SHOC1: variants seen among roughly 807,000 people sequenced by gnomAD.
The protein encoded by SHOC1 is shortage in chiasmata 1.
A neutral mutation model predicts 179.2 loss-of-function variants in SHOC1; 136 were observed. The observed-to-expected ratio is 0.76, with a 90% CI of 0.66 to 0.87. SHOC1 has a LOEUF of 0.87. Among genes scored for constraint, SHOC1 ranks in the 40% least tolerant of loss-of-function variants. The probability of loss-of-function intolerance (pLI) is 0.00; values close to 1 mark genes in which losing one functional copy is unlikely to be tolerated. For missense variants in SHOC1, 1,538 were observed against 1,700.8 expected (o/e 0.90, Z 1.68); for synonymous variants, 489 against 586.6 (o/e 0.83, Z 2.41).
At chr9:111,788,064 C>CTTTTTTTTTT (rs35764341) in intron 2 of SHOC1, among the ~76,000 whole-genome samples, 1 of 122,738 alleles carries the variant, frequency 8.1e-6, no homozygotes, top group Non-Finnish European at 1.6e-5. Flanking sequence ...ATAAACATAA[C>CTTTTTTTTTT]TTTTTTTTTT....
rs1346966729 is a variant in SHOC1, at chr9:111,737,711, A to T, written c.1417+569T>A. 3.3e-5 allele frequency among the ~76,000 whole-genome samples: 5 copies of T among 149,348 alleles called. No homozygotes were observed. In the South Asian group the frequency reaches 1.1e-3, roughly 32 times the overall value. The stretch of plus-strand genomic sequence containing the variant: ...AAACCCCCCCCCCCACACACAAAAT[A>T]TATAATTCATGCTAAATATGTTTAA... On this transcript the variant is annotated intron_variant, in intron 12 of 27. Transcript: ENST00000682961.
At chr9:111,706,078 G>C (rs1392811451) in intron 20 of SHOC1, among the ~76,000 whole-genome samples, 1 of 152,058 alleles carries the variant, frequency 6.6e-6, no homozygotes, top group Non-Finnish European at 1.5e-5. Flanking sequence ...AAATGTATCA[G>C]ATTTATGGAT....
intron 15 of SHOC1, among the ~76,000 whole-genome samples, chr9:111,720,039 A>T (rs1832966394): frequency 6.6e-6 from 1 of 152,118 alleles, no homozygotes; most frequent in Non-Finnish European, 1.5e-5. Context: ...CTATCTGAAA[A>T]CTCTAAAAGG....
At chr9:111,703,593 T>C (rs1487878639) in intron 22 of SHOC1, among the ~76,000 whole-genome samples, 1 of 152,174 alleles carries the variant, frequency 6.6e-6, no homozygotes, top group East Asian at 1.9e-4. Context: ...TTTTTAAAGC[T>C]TTCAATACTA....
intron 8 of SHOC1, among the ~76,000 whole-genome samples, chr9:111,756,027 T>C (rs7037631): frequency 0.8 from 121,766 of 151,568 alleles, 49,068 homozygotes; most frequent in East Asian, 0.92. Context: ...GAGGCTGAGG[T>C]GGGAGAATCG....
intron 1 of SHOC1, among the ~76,000 whole-genome samples, chr9:111,794,095 T>A (rs2131664875): frequency 6.6e-6 from 1 of 151,234 alleles, no homozygotes; most frequent in East Asian, 2.0e-4. Flanking sequence ...CAGGCAATCC[T>A]CTCGCCTCAG....
intron 4 of SHOC1, among the ~76,000 whole-genome samples, chr9:111,778,048 A>G (rs1338705950): frequency 6.6e-6 from 1 of 152,152 alleles, no homozygotes; most frequent in Non-Finnish European, 1.5e-5. Context: ...TCAGCACTCT[A>G]TAGCAATAAT....
intron 20 of SHOC1, 148 bp from the exon 21 acceptor site, chr9:111,705,512 T>C: frequency 2.3e-6 from 1 of 425,982 alleles, no homozygotes; most frequent in South Asian, 6.5e-5. Context: ...AAAGACAGGC[T>C]TGAAGAAGAA....
intron 23 of SHOC1, among the ~76,000 whole-genome samples, chr9:111,701,792 G>A (rs985509606): frequency 2.6e-5 from 4 of 152,036 alleles, no homozygotes; most frequent in Non-Finnish European, 5.9e-5. Flanking sequence ...GATAACAAGT[G>A]TATACAAAAA....
intron 15 of SHOC1, among the ~76,000 whole-genome samples, 162 bp downstream of exon 15, chr9:111,722,247 C>T (rs915852418): frequency 8.5e-5 from 13 of 152,188 alleles, no homozygotes; most frequent in Non-Finnish European, 1.3e-4. Context: ...CTCTACTTAG[C>T]TGATCCTCCA....
intron 12 of SHOC1, among the ~76,000 whole-genome samples, chr9:111,731,999 TA>T (rs201499157): frequency 0.016 from 2,345 of 151,032 alleles, 61 homozygotes; most frequent in African/African-American, 0.053. Flanking sequence ...CCTGTATTTT[TA>T]AAAAAAAAAT....
rs756673501 is a variant in SHOC1, at chr9:111,759,115, A to G, written c.443-267T>C. 2.6e-6 allele frequency: 4 copies of G among 1,562,378 alleles called. No individual in the cohort carries two copies. The Admixed American group carries it at 7.6e-5, about 30-fold the overall frequency. ...AGCTGTAACGGCTAATACTTTATCA[A>G]TAAAGATTAATCAATGGAGGAAAAT... On this transcript the variant is annotated intron_variant, in intron 5 of 27. Coordinates refer to ENST00000682961, the MANE Select transcript of SHOC1 (RefSeq NM_001378211.1).
intron 13 of SHOC1, 83 bp from the exon 14 acceptor site, chr9:111,723,994 A>G: frequency 9.8e-7 from 1 of 1,025,600 alleles, no homozygotes; most frequent in South Asian, 1.6e-5. Context: ...TTTCTAAAAT[A>G]TGATCACAGT....
At chr9:111,702,455 C>A (rs1832023931) in intron 22 of SHOC1, among the ~76,000 whole-genome samples, 1 of 152,138 alleles carries the variant, frequency 6.6e-6, no homozygotes, top group Non-Finnish European at 1.5e-5. Context: ...TCCTGAATCT[C>A]CCGAGGTCCT....
At chr9:111,709,732 ATAACT>A (rs1233750431) in intron 18 of SHOC1, among the ~76,000 whole-genome samples, 2 of 152,240 alleles carry the variant, frequency 1.3e-5, no homozygotes, top group Non-Finnish European at 1.5e-5. Context: ...ATAGTCAGTA[ATAACT>A]TAATTGTACA....
At chr9:111,790,468 G>A (rs546903093) in intron 2 of SHOC1, among the ~76,000 whole-genome samples, 9 of 152,152 alleles carry the variant, frequency 5.9e-5, no homozygotes, top group Non-Finnish European at 8.8e-5. Context: ...CACTTGTCAA[G>A]AGTTTCCATT....
chr9:111,692,568 C>T, intron 26 of SHOC1, 57 bp from the exon 27 acceptor site: 5 of 1,326,070 alleles, frequency 3.8e-6, no homozygotes, highest in Non-Finnish European at 5.1e-6. Flanking sequence ...AATAATGATG[C>T]TTATCTATAT....
intron 3 of SHOC1, among the ~76,000 whole-genome samples, chr9:111,784,773 G>A (rs928780936): frequency 4.6e-5 from 7 of 152,010 alleles, no homozygotes; most frequent in African/African-American, 1.7e-4. Context: ...GTCTAGTGAG[G>A]GCCCACTTCC....
At chr9:111,736,001 T>C (rs1232817130) in intron 12 of SHOC1, among the ~76,000 whole-genome samples, 1 of 152,132 alleles carries the variant, frequency 6.6e-6, no homozygotes, top group African/African-American at 2.4e-5. Flanking sequence ...AACATATTAG[T>C]GCATGTATGA....
Sources: allele counts gnomAD v4.1 joint callset (sites outside exome capture counted in the v4.1 genomes callset), GRCh38; gene constraint gnomAD v4.1.1; transcripts MANE v1.5; gene names NCBI Gene and HGNC (gene_info 2026-07-23, HGNC 2026-07-21).